DPT: variants seen among roughly 807,000 people sequenced by gnomAD.
DPT encodes the protein tyrosine-rich acidic matrix protein.
Under a neutral mutation model 31.2 loss-of-function variants are expected in DPT, and 21 were observed. That is an observed-to-expected ratio of 0.67 (90% confidence interval 0.48 to 0.97). The LOEUF (loss-of-function observed/expected upper bound fraction) is 0.97, where lower values mean the gene tolerates loss of function less well. Among genes scored for constraint, DPT ranks in the 50% least tolerant of loss-of-function variants. The probability of loss-of-function intolerance (pLI) is 0.00; values close to 1 mark genes in which losing one functional copy is unlikely to be tolerated. For synonymous variants in DPT, 91 were observed against 86.9 expected, an observed-to-expected ratio of 1.05 and a Z score of -0.26; for missense variants, 262 against 258.8, an observed-to-expected ratio of 1.01 and a Z score of -0.08.
intron 3 of DPT, among the ~76,000 whole-genome samples, chr1:168,700,471 C>T (rs1272938247): frequency 2.0e-5 from 3 of 152,176 alleles, no homozygotes; most frequent in Non-Finnish European, 4.4e-5. Flanking sequence ...TCTCCAATCC[C>T]TTTTCTTTCT....
At chr1:168,720,330 ACTT>A (rs1348265968) in intron 1 of DPT, among the ~76,000 whole-genome samples, 6 of 152,142 alleles carry the variant, frequency 3.9e-5, no homozygotes, top group South Asian at 2.1e-4. Context: ...GCTGGACAGG[ACTT>A]CTTCTTGTTG....
At chr1:168,705,821 C>A (rs1295045980) in intron 2 of DPT, among the ~76,000 whole-genome samples, 2 of 152,104 alleles carry the variant, frequency 1.3e-5, no homozygotes, top group African/African-American at 4.8e-5. Context: ...GGTAATTGAA[C>A]CTTTGGGCAG....
chr1:168,728,979 T>G lies in DPT; in HGVS notation c.196A>C (p.Lys66Gln). 1 of 1,614,202 alleles carries G rather than the reference T, an allele frequency of 6.2e-7. No individual in the cohort carries two copies. The highest frequency in any genetic ancestry group is 1.1e-5 in the South Asian group (1 of 91,082). ...TTCCATTGTCTGTCAGAACCTTCCT[T>G]CTTGCTGAAGATGCTCCTCACGGCC... Reference protein sequence around the residue: ...IVAVRSIFSKKEGSDRQWNYA... With the variant: ...IVAVRSIFSKQEGSDRQWNYA... The change falls in exon 1 of 4, where the codon AAG becomes CAG. Residue 66 changes from lysine to glutamine, a missense_variant. Lys to Gln is a moderately conservative substitution (Grantham distance 53). Transcript: ENST00000367817.
At chr1:168,723,259 G>T (rs1189223160) in intron 1 of DPT, among the ~76,000 whole-genome samples, 2 of 152,234 alleles carry the variant, frequency 1.3e-5, no homozygotes, top group Admixed American at 6.5e-5. Context: ...GAATCAGGCT[G>T]GCTGGCTCAG....
At chr1:168,701,475 G>A (rs993068896) in intron 2 of DPT, among the ~76,000 whole-genome samples, 3 of 152,126 alleles carry the variant, frequency 2.0e-5, no homozygotes, top group African/African-American at 7.2e-5. Flanking sequence ...TTTAGATTAT[G>A]ATTCATTAGT....
chr1:168,720,009 T>A (rs1650065890), intron 1 of DPT, among the ~76,000 whole-genome samples: 1 of 152,210 alleles, frequency 6.6e-6, no homozygotes. Context: ...CCCTGAAAGC[T>A]AAAACGGAAG....
chr1:168,722,530 T>C (rs961108867), intron 1 of DPT, among the ~76,000 whole-genome samples: 12 of 152,184 alleles, frequency 7.9e-5, no homozygotes, highest in African/African-American at 2.9e-4. Context: ...GCATTAATTA[T>C]TTTAATTATC....
Position 168,702,612 on chromosome 1 carries a change from C to CTTTTTTTTTTTT in DPT, c.432-1500_432-1489dup, listed in dbSNP as rs10656421. Among the ~76,000 whole-genome samples, 6 of 132,432 alleles carry CTTTTTTTTTTTT rather than the reference C, an allele frequency of 4.5e-5. 1 individual carries two copies. The highest frequency in any genetic ancestry group is 1.7e-4 in the African/African-American group (6 of 35,248). The allele number at this position is 132,432 out of a possible 152,430, so 86.9% of individuals were successfully genotyped here. A position where few individuals can be genotyped will look rare whatever the true frequency, so the allele number is the denominator to read the frequency against. ...AGGACTTTACCTTTCAGGTAAATGT[C>CTTTTTTTTTTTT]TTTTTTTTTTTTTTTTTGAGACCAA... On this transcript the variant is annotated intron_variant, in intron 2 of 3. Transcript: ENST00000367817.
intron 3 of DPT, among the ~76,000 whole-genome samples, chr1:168,699,906 G>C (rs555911405): frequency 6.6e-6 from 1 of 151,984 alleles, no homozygotes; most frequent in Admixed American, 6.6e-5. Flanking sequence ...TCTTCTTACC[G>C]TTTTGATGTA....
chr1:168,697,753 G>T (rs139824565), intron 3 of DPT, among the ~76,000 whole-genome samples: 2 of 152,112 alleles, frequency 1.3e-5, no homozygotes, highest in Non-Finnish European at 2.9e-5. Flanking sequence ...TCCTCACAAC[G>T]ATTCATTGTT....
intron 3 of DPT, among the ~76,000 whole-genome samples, chr1:168,697,212 C>T (rs748760458): frequency 3.3e-5 from 5 of 151,952 alleles, no homozygotes; most frequent in East Asian, 1.9e-4. Flanking sequence ...TGCAGTGAAC[C>T]GAGATGGTGC....
intron 2 of DPT, 97 bp downstream of exon 2, chr1:168,714,124 T>C: frequency 6.5e-7 from 1 of 1,542,590 alleles, no homozygotes; most frequent in Non-Finnish European, 8.8e-7. Flanking sequence ...CCTTCCAGGC[T>C]TGTGTGTGAC....
At chr1:168,716,482 CT>C (rs112598588) in intron 1 of DPT, among the ~76,000 whole-genome samples, 127 of 144,010 alleles carry the variant, frequency 8.8e-4, no homozygotes, top group South Asian at 1.5e-3. Flanking sequence ...GATGATCTAG[CT>C]TTTTTTTTTT....
chr1:168,725,424 T>C (rs933639796), intron 1 of DPT, among the ~76,000 whole-genome samples: 4 of 152,104 alleles, frequency 2.6e-5, no homozygotes, highest in Non-Finnish European at 5.9e-5. Flanking sequence ...CCAGGTTTCC[T>C]GCATCCAAGC....
intron 3 of DPT, among the ~76,000 whole-genome samples, chr1:168,699,673 A>G (rs1649544609): frequency 1.3e-5 from 2 of 152,054 alleles, no homozygotes; most frequent in South Asian, 4.2e-4. Context: ...TTGAAAACAC[A>G]GACACACACC....
intron 1 of DPT, among the ~76,000 whole-genome samples, chr1:168,721,033 A>C (rs1650100615): frequency 6.6e-6 from 1 of 152,248 alleles, no homozygotes; most frequent in South Asian, 2.1e-4. Context: ...GGACAGGCAG[A>C]ATTACCAGAC....
intron 2 of DPT, among the ~76,000 whole-genome samples, chr1:168,703,777 G>C (rs1427780313): frequency 6.6e-6 from 1 of 152,188 alleles, no homozygotes; most frequent in African/African-American, 2.4e-5. Flanking sequence ...TACCAAGGGA[G>C]AAATGACCCA....
intron 1 of DPT, among the ~76,000 whole-genome samples, chr1:168,721,111 A>G (rs1257912552): frequency 1.3e-5 from 2 of 152,222 alleles, no homozygotes; most frequent in African/African-American, 4.8e-5. Context: ...TACCAAAGAC[A>G]GAGGAGCAGA....
intron 3 of DPT, among the ~76,000 whole-genome samples, chr1:168,697,711 G>A (rs1412843730): frequency 6.6e-6 from 1 of 152,212 alleles, no homozygotes; most frequent in African/African-American, 2.4e-5. Context: ...ATCTGGCATT[G>A]CACCAGATGC....
Sources: gnomAD v4.1 joint callset for allele counts (sites outside exome capture counted in the v4.1 genomes callset) on GRCh38, gnomAD v4.1.1 for gene constraint, MANE v1.5 for transcripts, NCBI Gene and HGNC (gene_info 2026-07-23, HGNC 2026-07-21) for gene names.